The following FAM163A variants were observed in gnomAD, a reference collection of about 807,000 sequenced individuals.
FAM163A encodes the protein family with sequence similarity 163 member A.
FAM163A carries 7 observed loss-of-function variants against 12.0 expected under a neutral mutation model. That is an observed-to-expected ratio of 0.58 (90% CI 0.33 to 1.10). The LOEUF is 1.10. FAM163A is among the 50% of genes least tolerant of loss of function. The pLI, the probability that FAM163A is intolerant of heterozygous loss-of-function variation, is 0.03. For synonymous variants in FAM163A, 101 were observed against 91.0 expected (o/e 1.11, Z -0.62); for missense variants, 202 against 218.6 (o/e 0.92, Z 0.48).
chr1:179,770,765 C>G (rs934954050), intron 1 of FAM163A, among the ~76,000 whole-genome samples: 2 of 151,928 alleles, frequency 1.3e-5, no homozygotes, highest in African/African-American at 2.4e-5. Flanking sequence ...CCTCCTCTCC[C>G]CAAGTCAGGT....
rs548584994 is a variant in FAM163A, at chr1:179,743,629, C to A, written c.-136+206C>A. Among the ~76,000 whole-genome samples, 500 of 152,278 alleles carry A rather than the reference C, an allele frequency of 3.3e-3. 5 individuals carry two copies. The highest frequency in any genetic ancestry group is 0.011 in the African/African-American group (477 of 41,586). On this transcript the variant is annotated intron_variant, in intron 1 of 4. Coordinates refer to ENST00000341785, the MANE Select transcript of FAM163A (RefSeq NM_173509.3). ...CCGCCTTCAGCGTAGCAGTTCCCCA[C>A]TGGGTCTGGGTCTGCGCCCTGGCTC...
the FAM163A span, among the ~76,000 whole-genome samples, chr1:179,733,115 C>T: frequency 6.6e-6 from 1 of 152,052 alleles, no homozygotes; most frequent in Admixed American, 6.6e-5. Flanking sequence ...TTTTTTAAAG[C>T]TATCATGTAT....
chr1:179,807,769 C>T (rs1402869066), intron 1 of FAM163A, 29 bp from the exon 2 acceptor site: 1 of 152,494 alleles, frequency 6.6e-6, no homozygotes, highest in Admixed American at 6.5e-5. Context: ...GTCCAGCTCT[C>T]ATGAGCCTTT....
At position 179,782,451 on chromosome 1, in the gene FAM163A, CA is replaced by C. The variant is rs142166508; in HGVS notation, c.-135-25346del. Among the ~76,000 whole-genome samples, 1,330 of 152,030 alleles carry C rather than the reference CA, an allele frequency of 8.7e-3. 19 individuals carry two copies. The highest frequency in any genetic ancestry group is 0.031 in the African/African-American group (1,265 of 41,440). ...TCCGGGCAGCACAGGAGCATCTTCT[CA>C]TTTGGCGGGCGGGAAAGCTTGTGCA... is the stretch of plus-strand genomic sequence containing the variant. On this transcript the variant is annotated intron_variant, in intron 1 of 4. Transcript: ENST00000341785.
the FAM163A span, among the ~76,000 whole-genome samples, chr1:179,732,370 C>G: frequency 6.6e-6 from 1 of 152,214 alleles, no homozygotes; most frequent in Non-Finnish European, 1.5e-5. Flanking sequence ...CTCTTTGGTG[C>G]TGGGCAAAGC....
chr1:179,743,433 C>A lies in FAM163A; in HGVS notation c.-136+10C>A, dbSNP rs982213091. The A allele has an allele frequency of 1.3e-5, 2 of 152,148 alleles. No individual in the cohort carries two copies. The highest frequency in any genetic ancestry group is 3.2e-3 in the Middle Eastern group (1 of 314). 9.4% of individuals were successfully genotyped at this position (152,148 alleles called of 1,614,324 possible). A position where few individuals can be genotyped will look rare whatever the true frequency, so the allele number is the denominator to read the frequency against. The stretch of plus-strand genomic sequence containing the variant: ...GAGCTGCTCAGCCGCGGTAACGGGT[C>A]GGGGCCTCATCGTGCAGGGGAGCGA... On this transcript the variant is annotated intron_variant, in intron 1 of 4. Coordinates refer to ENST00000341785, the MANE Select transcript of FAM163A (RefSeq NM_173509.3).
rs1356647851 is a variant in FAM163A, at chr1:179,763,460, C to T, written c.-136+20037C>T. Among the ~76,000 whole-genome samples, 4 of 152,204 alleles carry T rather than the reference C, an allele frequency of 2.6e-5. No homozygotes were observed. The East Asian group carries it at 5.8e-4, about 22-fold the overall frequency. ...CTGTAGCATTACAGAGCAGTGCCATCGAAATAATTGTAAAAAACTTGTTGT... is the reference window on the plus strand; with the variant it reads ...CTGTAGCATTACAGAGCAGTGCCATTGAAATAATTGTAAAAAACTTGTTGT... On this transcript the variant is annotated intron_variant, in intron 1 of 4. Transcript: ENST00000341785.
intron 1 of FAM163A, among the ~76,000 whole-genome samples, chr1:179,789,241 G>A (rs565150214): frequency 6.6e-6 from 1 of 152,268 alleles, no homozygotes; most frequent in African/African-American, 2.4e-5. Context: ...GAGTGCAGTG[G>A]TGCTATCTCA....
intron 1 of FAM163A, among the ~76,000 whole-genome samples, chr1:179,788,520 C>T (rs1690967712): frequency 6.6e-6 from 1 of 152,156 alleles, no homozygotes. Context: ...TGGGCTGAGT[C>T]CAGATAAACT....
intron 1 of FAM163A, among the ~76,000 whole-genome samples, chr1:179,769,085 G>T (rs185849402): frequency 6.6e-6 from 1 of 152,236 alleles, no homozygotes; most frequent in Admixed American, 6.5e-5. Flanking sequence ...ATGAAACTAG[G>T]CTGGGGGCTC....
intron 1 of FAM163A, among the ~76,000 whole-genome samples, chr1:179,784,538 T>C (rs1050620842): frequency 1.3e-5 from 2 of 152,176 alleles, no homozygotes; most frequent in African/African-American, 4.8e-5. Context: ...AGTGTAACCT[T>C]CAATAGTCCC....
intron 1 of FAM163A, among the ~76,000 whole-genome samples, chr1:179,805,564 C>CA (rs1465819445): frequency 1.3e-5 from 2 of 152,028 alleles, no homozygotes; most frequent in African/African-American, 4.8e-5. Context: ...AAAAGGAATG[C>CA]ATAATAATCA....
rs12045542 is a variant in FAM163A, at chr1:179,812,776, C to G, written c.-22-300C>G. On this transcript the variant is annotated intron_variant, in intron 3 of 4. Transcript: ENST00000341785. ...GGCAGCTGTTCCTCTGTGTCTGCAG[C>G]CACGCAGAAGCGGGAGCTAAGAAGG... is the stretch of plus-strand genomic sequence containing the variant. 1.9e-4 allele frequency among the ~76,000 whole-genome samples: 29 copies of G among 152,316 alleles called. No individual in the cohort carries two copies. In the East Asian group the frequency reaches 5.4e-3, roughly 28 times the overall value.
At chr1:179,809,939 C>CAA (rs1694477595) in intron 2 of FAM163A, among the ~76,000 whole-genome samples, 1 of 152,164 alleles carries the variant, frequency 6.6e-6, no homozygotes, top group Non-Finnish European at 1.5e-5. Flanking sequence ...TGGGCAAAAT[C>CAA]AAAGTGGTCT....
chr1:179,769,114 C>T (rs949648852), intron 1 of FAM163A, among the ~76,000 whole-genome samples: 1 of 152,082 alleles, frequency 6.6e-6, no homozygotes, highest in African/African-American at 2.4e-5. Flanking sequence ...ATTCTCTCTA[C>T]TTTTGAATAT....
intron 1 of FAM163A, among the ~76,000 whole-genome samples, chr1:179,774,362 C>T (rs1006170153): frequency 6.6e-5 from 10 of 152,228 alleles, no homozygotes; most frequent in African/African-American, 2.4e-4. Context: ...CTTCCCAGTC[C>T]TGAGCCCATG....
chr1:179,803,516 A>G (rs1395197017), intron 1 of FAM163A, among the ~76,000 whole-genome samples: 2 of 152,188 alleles, frequency 1.3e-5, no homozygotes, highest in Non-Finnish European at 2.9e-5. Context: ...GGTGGCTTTT[A>G]GTGCCCAACT....
intron 2 of FAM163A, among the ~76,000 whole-genome samples, chr1:179,809,834 T>C (rs1373697920): frequency 1.3e-5 from 2 of 152,126 alleles, no homozygotes; most frequent in Non-Finnish European, 2.9e-5. Context: ...AGTGGTGCTG[T>C]AGTGAAAGTG....
upstream of FAM163A, among the ~76,000 whole-genome samples, chr1:179,740,172 TTTGTTGTTG>T (rs58589037): frequency 6.4e-4 from 97 of 151,042 alleles, no homozygotes; most frequent in Middle Eastern, 6.8e-3. Flanking sequence ...TTATTTGGTT[TTTGTTGTTG>T]TTGTTGTTGT....
Sources: allele counts gnomAD v4.1 joint callset (sites outside exome capture counted in the v4.1 genomes callset), GRCh38; gene constraint gnomAD v4.1.1; transcripts MANE v1.5; gene names NCBI Gene and HGNC (gene_info 2026-07-23, HGNC 2026-07-21).